Variants in DOP1A observed in about 807,000 individuals in gnomAD.
The protein encoded by DOP1A is DOP1 leucine zipper like protein A.
In DOP1A, 90 loss-of-function variants were observed where a neutral mutation model predicts 267.6. The observed-to-expected ratio is 0.34, with a 90% CI of 0.28 to 0.40. The LOEUF (loss-of-function observed/expected upper bound fraction) is 0.40, where lower values mean the gene tolerates loss of function less well. Ranked by LOEUF, DOP1A falls within the 10% of genes least tolerant of loss-of-function variation. The pLI, the probability that DOP1A is intolerant of heterozygous loss-of-function variation, is 1.00. For synonymous variants in DOP1A, 932 were observed against 999.1 expected (o/e 0.93, Z 1.27); for missense variants, 2,437 against 2,900.4 (o/e 0.84, Z 3.67).
At chr6:83,103,982 A>G (rs1773088506) in intron 4 of DOP1A, among the ~76,000 whole-genome samples, 2 of 152,206 alleles carry the variant, frequency 1.3e-5, no homozygotes, top group South Asian at 4.1e-4. Context: ...GTATCTTTGA[A>G]GAACCAAAAG....
intron 1 of DOP1A, among the ~76,000 whole-genome samples, chr6:83,089,372 G>C (rs1323441540): frequency 2.6e-5 from 4 of 152,088 alleles, no homozygotes; most frequent in Non-Finnish European, 5.9e-5. Flanking sequence ...TTTTCATAGG[G>C]CATAACTTGC....
intron 24 of DOP1A, 149 bp from the exon 25 acceptor site, chr6:83,145,375 G>T (rs1394050630): frequency 1.2e-5 from 7 of 608,526 alleles, no homozygotes; most frequent in African/African-American, 2.1e-5. Flanking sequence ...TTGAGCACAG[G>T]AGTTTGAGAC....
chr6:83,131,546 A>G (rs868868854), intron 17 of DOP1A, among the ~76,000 whole-genome samples: 1 of 152,166 alleles, frequency 6.6e-6, no homozygotes. Flanking sequence ...ATTGCATTCA[A>G]TGTGGGATTT....
chr6:83,122,104 A>C, intron 11 of DOP1A, 54 bp downstream of exon 11: 3 of 1,584,850 alleles, frequency 1.9e-6, no homozygotes, highest in South Asian at 2.3e-5. Context: ...TATTCACTTA[A>C]TATAAACTTG....
chr6:83,118,333 A>G (rs1562318135), intron 7 of DOP1A, among the ~76,000 whole-genome samples: 1 of 152,198 alleles, frequency 6.6e-6, no homozygotes, highest in Non-Finnish European at 1.5e-5. Flanking sequence ...AAAGAAAAAA[A>G]TTATTTCTCT....
At chr6:83,113,471 G>A (rs1439686339) in intron 7 of DOP1A, 50 bp downstream of exon 7, 1 of 1,417,008 alleles carries the variant, frequency 7.1e-7, no homozygotes, top group Admixed American at 1.7e-5. Flanking sequence ...GAAAACTGTA[G>A]ATTGATAATG....
At chr6:83,085,938 C>T (rs1468244633) in intron 1 of DOP1A, among the ~76,000 whole-genome samples, 1 of 152,006 alleles carries the variant, frequency 6.6e-6, no homozygotes, top group Non-Finnish European at 1.5e-5. Flanking sequence ...TATGCAGACT[C>T]TCAAGAATAG....
chr6:83,116,167 G>C (rs1775400653), intron 7 of DOP1A, among the ~76,000 whole-genome samples: 1 of 152,108 alleles, frequency 6.6e-6, no homozygotes, highest in South Asian at 2.1e-4. Context: ...CATATTCTTT[G>C]ATATTATACC....
intron 7 of DOP1A, among the ~76,000 whole-genome samples, chr6:83,117,024 A>T (rs1368850310): frequency 2.0e-5 from 3 of 152,182 alleles, no homozygotes; most frequent in Non-Finnish European, 4.4e-5. Context: ...ATTCTTTGAG[A>T]AAGCTGGTAG....
At chr6:83,106,489 G>A (rs1432305372) in intron 4 of DOP1A, among the ~76,000 whole-genome samples, 2 of 152,076 alleles carry the variant, frequency 1.3e-5, no homozygotes, top group Admixed American at 6.6e-5. Context: ...GGGGAAAGTA[G>A]CCAATGAAAA....
intron 1 of DOP1A, among the ~76,000 whole-genome samples, chr6:83,088,872 A>T (rs1167672010): frequency 6.6e-6 from 1 of 152,208 alleles, no homozygotes; most frequent in Non-Finnish European, 1.5e-5. Context: ...TAGATTATTA[A>T]TGGTTACATC....
intron 24 of DOP1A, among the ~76,000 whole-genome samples, chr6:83,144,746 T>A (rs2128293357): frequency 6.6e-6 from 1 of 152,218 alleles, no homozygotes; most frequent in Admixed American, 6.5e-5. Flanking sequence ...TAGTAGTATA[T>A]GTTATTTAGA....
chr6:83,078,869 A>T (rs1263336827), intron 1 of DOP1A, among the ~76,000 whole-genome samples: 1 of 152,208 alleles, frequency 6.6e-6, no homozygotes, highest in Non-Finnish European at 1.5e-5. Flanking sequence ...TACAGAATTA[A>T]CACCTCAGCA....
At chr6:83,158,144 A>G (rs938800359) in intron 35 of DOP1A, among the ~76,000 whole-genome samples, 18 of 152,052 alleles carry the variant, frequency 1.2e-4, no homozygotes, top group South Asian at 4.2e-4. Context: ...GACTACAGGC[A>G]CCTGCCACCA....
rs111310826 is a variant in DOP1A at position 83,092,230 on chromosome 6, C to G, written c.-146-4501C>G. Among the ~76,000 whole-genome samples, 596 of 108,304 alleles carry G rather than the reference C, an allele frequency of 5.5e-3. 4 individuals carry two copies. The highest frequency in any genetic ancestry group is 0.02 in the African/African-American group (571 of 29,026). 71.1% of individuals were successfully genotyped at this position (108,304 alleles called of 152,430 possible). On this transcript the variant is annotated intron_variant, in intron 1 of 38. Transcript: ENST00000349129. ...GGATTGATAATGAAATAGCTTGTAT[C>G]ATTTTTAATTTATTACCAGTCTTTA...
downstream of DOP1A, chr6:83,169,264 T>C: frequency 6.2e-7 from 1 of 1,614,080 alleles, no homozygotes; most frequent in Non-Finnish European, 8.5e-7. Flanking sequence ...TTTCTCCAAT[T>C]CCTCCAGCCA....
At chr6:83,141,596 A>G (rs780877636) in intron 23 of DOP1A, among the ~76,000 whole-genome samples, 24 of 152,212 alleles carry the variant, frequency 1.6e-4, no homozygotes, top group Non-Finnish European at 2.8e-4. Context: ...TTTTATAATT[A>G]TAGAATCCCT....
At chr6:83,151,564 C>T (rs377220927) in intron 27 of DOP1A, 29 bp from the exon 28 acceptor site, 3 of 1,560,576 alleles carry the variant, frequency 1.9e-6, no homozygotes, top group African/African-American at 1.4e-5. Context: ...TGATATTTCC[C>T]GTTTCTGTTT....
downstream of DOP1A, chr6:83,170,219 T>C (rs930970426): frequency 5.7e-6 from 7 of 1,235,648 alleles, no homozygotes; most frequent in East Asian, 7.0e-5. Context: ...TTAATCATCA[T>C]AGTGAGATTC....
Sources: gnomAD v4.1 joint callset for allele counts (sites outside exome capture counted in the v4.1 genomes callset) on GRCh38, gnomAD v4.1.1 for gene constraint, MANE v1.5 for transcripts, NCBI Gene and HGNC (gene_info 2026-07-23, HGNC 2026-07-21) for gene names.